KDM5A: variants seen among roughly 807,000 people sequenced by gnomAD.
KDM5A encodes lysine-specific demethylase 5A.
In KDM5A, 42 loss-of-function variants were observed where a neutral mutation model predicts 193.5. That is an observed-to-expected ratio of 0.22 (90% confidence interval 0.17 to 0.28). The LOEUF (loss-of-function observed/expected upper bound fraction) is 0.28. Ranked by LOEUF, KDM5A falls within the 10% of genes least tolerant of loss-of-function variation. The pLI, the probability that KDM5A is intolerant of heterozygous loss-of-function variation, is 1.00. For synonymous variants in KDM5A, 796 were observed against 718.1 expected (o/e 1.11, Z -1.73); for missense variants, 1,692 against 2,055.1 (o/e 0.82, Z 3.42).
At chr12:298,232 C>A (rs1180594988) in intron 24 of KDM5A, among the ~76,000 whole-genome samples, 1 of 152,210 alleles carries the variant, frequency 6.6e-6, no homozygotes. Context: ...GGTCCCTGGC[C>A]CCCGTGCATC....
Position 306,824 on chromosome 12 carries a change from G to C in KDM5A, c.4074+122C>G, listed in dbSNP as rs1358638035. The C allele has an allele frequency of 4.1e-6, 4 of 987,214 alleles. 1 individual carries two copies. Among genetic ancestry groups the C allele is most frequent in the African/African-American group, 3.2e-5 (2 of 61,540 alleles). 61.2% of individuals were successfully genotyped at this position (987,214 alleles called of 1,614,324 possible). The stretch of plus-strand genomic sequence containing the variant: ...ATGCTACGACTAAAAACTCAGAACA[G>C]ATAAATGATTAGTTTTCTCTTTCAC... On this transcript the variant is annotated intron_variant, in intron 24 of 27. Coordinates refer to ENST00000399788, the MANE Select transcript of KDM5A (RefSeq NM_001042603.3).
At position 389,251 on chromosome 12, in the gene KDM5A, CGTTT is replaced by C. The variant is rs1944699005; in HGVS notation, c.-164_-161del. 3 of 767,212 alleles carry C rather than the reference CGTTT, an allele frequency of 3.9e-6. No homozygotes were observed. The highest frequency in any genetic ancestry group is 2.0e-5 in the Admixed American group (1 of 51,208). 47.5% of individuals were successfully genotyped at this position (767,212 alleles called of 1,614,324 possible). ...AAACCCCAGAATCGCTTCCTCCTCC[CGTTT>C]GTTATTGTTTCTTGCAAGGCTTTTC... On this transcript the variant is annotated 5_prime_UTR_variant, in exon 1 of 28. Transcript: ENST00000399788.
intron 3 of KDM5A, among the ~76,000 whole-genome samples, chr12:383,477 A>C (rs1944600758): frequency 1.3e-5 from 2 of 151,992 alleles, no homozygotes; most frequent in Admixed American, 1.3e-4. Context: ...TCAACCTCCT[A>C]AAGTGCTGGG....
In KDM5A at chr12:308,139, G is replaced by C. The variant is rs576288165; in HGVS notation, c.3379-134C>G. On this transcript the variant is annotated intron_variant, in intron 22 of 27. Coordinates refer to ENST00000399788, the MANE Select transcript of KDM5A (RefSeq NM_001042603.3). ...TTTCCTAAAATGTGGGGCCCCTGGCGGTTTCCATGCAAACATTCCTCAAGT... is the reference window on the plus strand; with the variant it reads ...TTTCCTAAAATGTGGGGCCCCTGGCCGTTTCCATGCAAACATTCCTCAAGT... The C allele has an allele frequency of 6.8e-6, 6 of 878,064 alleles. No individual in the cohort carries two copies. In the South Asian group the frequency reaches 8.7e-5, roughly 13 times the overall value. 54.4% of individuals were successfully genotyped at this position (878,064 alleles called of 1,614,324 possible).
intron 10 of KDM5A, among the ~76,000 whole-genome samples, chr12:335,252 G>T (rs941309515): frequency 2.0e-5 from 3 of 152,192 alleles, no homozygotes; most frequent in Admixed American, 2.0e-4. Context: ...ATTGGCACCG[G>T]AGAAGGACTT....
In KDM5A at chr12:307,175, A is replaced by G; in HGVS notation, c.3931-86T>C. On this transcript the variant is annotated intron_variant, in intron 23 of 27. Coordinates refer to ENST00000399788, the MANE Select transcript of KDM5A (RefSeq NM_001042603.3). This position sits in a 1 kb window ranked among gnomAD's most constrained non-coding sequence, Gnocchi z 4.3. ...TGTGTGCTTAAGATCACCAAAATGT[A>G]ATGAATAAGCAAAGTGGCTAACAGA... The G allele has an allele frequency of 6.7e-7, 1 of 1,494,636 alleles. No individual in the cohort carries two copies. Among genetic ancestry groups the G allele is most frequent in the Non-Finnish European group, 9.3e-7 (1 of 1,076,658 alleles). 92.6% of individuals were successfully genotyped at this position (1,494,636 alleles called of 1,614,324 possible).
chr12:300,767 AATAG>A (rs1469659171), intron 24 of KDM5A, among the ~76,000 whole-genome samples: 8 of 152,182 alleles, frequency 5.3e-5, no homozygotes, highest in South Asian at 4.1e-4. Flanking sequence ...AGATCAACAA[AATAG>A]ATAGACCGCT....
intron 10 of KDM5A, among the ~76,000 whole-genome samples, chr12:340,859 T>A (rs1441802222): frequency 5.9e-5 from 9 of 152,100 alleles, no homozygotes; most frequent in Non-Finnish European, 8.8e-5. Flanking sequence ...AGACCATCCA[T>A]CTAATAATCA....
At chr12:381,214 G>A (rs940715066) in intron 3 of KDM5A, among the ~76,000 whole-genome samples, 6 of 151,942 alleles carry the variant, frequency 3.9e-5, no homozygotes, top group Admixed American at 6.6e-5. Flanking sequence ...GGTTGGTCTC[G>A]AACTCCCGAC....
Position 331,810 on chromosome 12 carries a change from A to G in KDM5A, c.1773+9T>C. The G allele has an allele frequency of 6.2e-7, 1 of 1,613,982 alleles. No homozygotes were observed. Among genetic ancestry groups the G allele is most frequent in the South Asian group, 1.1e-5 (1 of 91,084 alleles). On this transcript the variant is annotated intron_variant, in intron 13 of 27. Coordinates refer to ENST00000399788, the MANE Select transcript of KDM5A (RefSeq NM_001042603.3). ...TAGACGTACAACAGCCACTTGCTATAGAACAGACCCAGTCAGCAGTACAGA... is the reference window on the plus strand; with the variant it reads ...TAGACGTACAACAGCCACTTGCTATGGAACAGACCCAGTCAGCAGTACAGA...
rs1943709736 is a variant in KDM5A, at chr12:321,014, C to G, written c.2522G>C (p.Ser841Thr). 5 of 1,613,542 alleles carry G rather than the reference C, an allele frequency of 3.1e-6. No homozygotes were observed. The highest frequency in any genetic ancestry group is 4.2e-6 in the Non-Finnish European group (5 of 1,179,434). The part of the protein sequence containing the change: ...QQLFSLPCVI[S>T]QARQVKNLLD... The stretch of plus-strand genomic sequence containing the variant: ...CTCCACCTTTACTTGCCGAGCTTGG[C>G]TGATGACACACGGAAGACTAAAAAG... The change falls in exon 18 of 28, where the codon AGC becomes ACC. Residue 841 changes from serine to threonine, a missense_variant. Physicochemically the swap from Ser to Thr is moderately conservative, Grantham distance 58 (BLOSUM62 1). Transcript: ENST00000399788.
chr12:380,941 CCCA>C (rs1484993479), intron 3 of KDM5A, among the ~76,000 whole-genome samples: 4 of 151,772 alleles, frequency 2.6e-5, no homozygotes, highest in South Asian at 2.1e-4. Flanking sequence ...ATTACAGGTG[CCCA>C]CCACCACACC....
intron 6 of KDM5A, among the ~76,000 whole-genome samples, chr12:355,891 T>C (rs557204074): frequency 6.6e-6 from 1 of 152,184 alleles, no homozygotes; most frequent in Admixed American, 6.5e-5. Flanking sequence ...ACATGTTACA[T>C]AGAGAGAACA....
chr12:383,917 G>T, intron 3 of KDM5A, 114 bp downstream of exon 3: 1 of 1,135,946 alleles, frequency 8.8e-7, no homozygotes, highest in Non-Finnish European at 1.3e-6. Flanking sequence ...CCCAGCTAGT[G>T]CATTTCATTG....
chr12:383,736 A>G (rs1944605055), intron 3 of KDM5A, among the ~76,000 whole-genome samples: 1 of 152,082 alleles, frequency 6.6e-6, no homozygotes, highest in Non-Finnish European at 1.5e-5. Flanking sequence ...CATTTATTCA[A>G]ATGTGCATTT....
intron 13 of KDM5A, 119 bp downstream of exon 13, chr12:331,700 T>C: frequency 9.8e-7 from 1 of 1,019,476 alleles, no homozygotes; most frequent in Non-Finnish European, 1.6e-6. Flanking sequence ...CACTCCAGTC[T>C]CCACTAAAAT....
chr12:305,969 G>GTTTTTTTTTTTTTTTT, intron 24 of KDM5A, among the ~76,000 whole-genome samples: 1 of 104,216 alleles, frequency 9.6e-6, no homozygotes, highest in Non-Finnish European at 1.8e-5. Flanking sequence ...CAATGGAAGT[G>GTTTTTTTTTTTTTTTT]TTTTTTTTTT....
At position 282,491 on chromosome 12, in the gene KDM5A, C is replaced by A; in HGVS notation, c.*2965G>T. ...ACATCAACATGGCTTTGCTGCAGTA[C>A]CTATCAGGAAGCAAAATAAACATCT... On this transcript the variant is annotated 3_prime_UTR_variant, in exon 28 of 28. Coordinates refer to ENST00000399788, the MANE Select transcript of KDM5A (RefSeq NM_001042603.3). 4.3e-6 allele frequency: 1 copy of A among 233,168 alleles called. No individual in the cohort carries two copies. The highest frequency in any genetic ancestry group is 1.8e-4 in the South Asian group (1 of 5,522). The allele number at this position is 233,168 out of a possible 1,614,324, so 14.4% of individuals were successfully genotyped here.
Position 312,439 on chromosome 12 carries a change from G to A in KDM5A, c.3036+617C>T, listed in dbSNP as rs142031636. The stretch of plus-strand genomic sequence containing the variant: ...GCCTCTAATTTTAAAAGTAATTTAT[G>A]CACATGGAAAAAAATTTGAAGAATA... On this transcript the variant is annotated intron_variant, in intron 20 of 27. Transcript: ENST00000399788. Among the ~76,000 whole-genome samples the A allele has an allele frequency of 2.0e-5, 3 of 152,094 alleles. No homozygotes were observed. The East Asian group carries it at 5.8e-4, about 29-fold the overall frequency.
Sources: allele counts gnomAD v4.1 joint callset (sites outside exome capture counted in the v4.1 genomes callset), GRCh38; gene constraint gnomAD v4.1.1; non-coding constraint Gnocchi (gnomAD v3.1); transcripts MANE v1.5; gene names NCBI Gene and HGNC (gene_info 2026-07-23, HGNC 2026-07-21).